SDK1: variants seen among roughly 807,000 people sequenced by gnomAD.
The protein encoded by SDK1 is protein sidekick-1.
A neutral mutation model predicts 245.5 loss-of-function variants in SDK1; 157 were observed. That is an observed-to-expected ratio of 0.64 (90% CI 0.56 to 0.73). The LOEUF is 0.73. SDK1 is among the 30% of genes least tolerant of loss of function. The pLI is 0.00. For synonymous variants in SDK1, 1,647 were observed against 1,278.5 expected, an observed-to-expected ratio of 1.29 and a Z score of -6.15; for missense variants, 3,583 against 3,002.3, an observed-to-expected ratio of 1.19 and a Z score of -4.52.
At chr7:3,418,285 C>G (rs527890920) in intron 1 of SDK1, among the ~76,000 whole-genome samples, 2 of 152,214 alleles carry the variant, frequency 1.3e-5, no homozygotes, top group Non-Finnish European at 2.9e-5. Flanking sequence ...CCATTGCACT[C>G]CAGCCTGGGC....
rs150250543 is a variant in SDK1, at chr7:3,559,593, C to T, written c.299-59487C>T. Among the ~76,000 whole-genome samples the T allele has an allele frequency of 3.5e-3, 532 of 152,220 alleles. 16 individuals carry two copies. Among genetic ancestry groups the T allele is most frequent in the Admixed American group, 0.033 (503 of 15,292 alleles). The stretch of plus-strand genomic sequence containing the variant: ...CTCTTTTCTGATTCACCACCAGTGT[C>T]TTGCAAGAGCTTTCACTTTATCTGC... On this transcript the variant is annotated intron_variant, in intron 1 of 44. Coordinates refer to ENST00000404826, the MANE Select transcript of SDK1 (RefSeq NM_152744.4).
chr7:4,123,391 A>G (rs945392607), intron 25 of SDK1, among the ~76,000 whole-genome samples: 2 of 152,102 alleles, frequency 1.3e-5, no homozygotes, highest in Non-Finnish European at 2.9e-5. Context: ...AGTTTATCAA[A>G]CTTTTGTATA....
intron 26 of SDK1, among the ~76,000 whole-genome samples, chr7:4,127,839 A>T (rs1300141608): frequency 6.6e-6 from 1 of 152,190 alleles, no homozygotes; most frequent in Non-Finnish European, 1.5e-5. Flanking sequence ...CCCCGCTTGT[A>T]AAACGGGAAT....
intron 17 of SDK1, among the ~76,000 whole-genome samples, chr7:4,046,740 C>T (rs1421890620): frequency 1.3e-5 from 2 of 151,998 alleles, no homozygotes; most frequent in Non-Finnish European, 2.9e-5. Context: ...TTCAGACTTG[C>T]TTTGGCTATT....
At chr7:3,826,096 A>T (rs1312787831) in intron 5 of SDK1, among the ~76,000 whole-genome samples, 1 of 152,210 alleles carries the variant, frequency 6.6e-6, no homozygotes, top group Non-Finnish European at 1.5e-5. Context: ...GTGAAGTGTG[A>T]GGCATGCTCT....
intron 41 of SDK1, 119 bp from the exon 42 acceptor site, chr7:4,237,528 C>A: frequency 1.7e-6 from 2 of 1,161,128 alleles, no homozygotes; most frequent in East Asian, 2.4e-5. Flanking sequence ...TTGGTTTCAT[C>A]TCACCTGTAA....
chr7:4,035,306 C>T (rs1293797451), intron 17 of SDK1, among the ~76,000 whole-genome samples: 1 of 152,060 alleles, frequency 6.6e-6, no homozygotes, highest in African/African-American at 2.4e-5. Flanking sequence ...AATTTTTAAG[C>T]CTTTGGAAAA....
At chr7:4,091,334 CTTTTT>C (rs61065472) in intron 22 of SDK1, among the ~76,000 whole-genome samples, 1 of 108,260 alleles carries the variant, frequency 9.2e-6, no homozygotes, top group African/African-American at 4.1e-5. Context: ...CTTTTCTTTT[CTTTTT>C]TTTTTTTTTT....
intron 2 of SDK1, among the ~76,000 whole-genome samples, chr7:3,634,429 T>C (rs1435211177): frequency 6.6e-6 from 1 of 152,250 alleles, no homozygotes; most frequent in African/African-American, 2.4e-5. Flanking sequence ...GGATTTTGTG[T>C]TTTATTTTCT....
intron 1 of SDK1, among the ~76,000 whole-genome samples, chr7:3,503,842 C>T (rs547277629): frequency 5.9e-5 from 9 of 151,842 alleles, no homozygotes; most frequent in Non-Finnish European, 1.3e-4. Flanking sequence ...GATTGGAAGA[C>T]TTAATAATGT....
intron 4 of SDK1, among the ~76,000 whole-genome samples, chr7:3,700,425 T>C (rs1293647587): frequency 6.6e-6 from 1 of 152,148 alleles, no homozygotes; most frequent in African/African-American, 2.4e-5. Flanking sequence ...TCATACTTGG[T>C]GTAGGATAAG....
chr7:3,590,301 T>C (rs1269449864), intron 1 of SDK1, among the ~76,000 whole-genome samples: 1 of 46,258 alleles, frequency 2.2e-5, no homozygotes, highest in Non-Finnish European at 3.7e-5. Flanking sequence ...TTCCTGTTCC[T>C]TTTTTTTTTT....
intron 4 of SDK1, among the ~76,000 whole-genome samples, chr7:3,646,177 C>A (rs1240900945): frequency 6.6e-6 from 1 of 152,126 alleles, no homozygotes; most frequent in African/African-American, 2.4e-5. Context: ...TATTTTTAAC[C>A]TCCTTGTGTG....
chr7:3,879,960 A>G (rs1374716626), intron 5 of SDK1, among the ~76,000 whole-genome samples: 1 of 152,026 alleles, frequency 6.6e-6, no homozygotes, highest in Admixed American at 6.6e-5. Context: ...ATCACTTGAG[A>G]TAAAGAGCCA....
chr7:4,074,492 A>G (rs944098411), intron 20 of SDK1, among the ~76,000 whole-genome samples: 8 of 152,238 alleles, frequency 5.3e-5, no homozygotes, highest in African/African-American at 7.2e-5. Context: ...TGAGGGTTAC[A>G]TGAATGAATG....
At chr7:3,926,713 C>G (rs1312401952) in intron 5 of SDK1, among the ~76,000 whole-genome samples, 4 of 152,198 alleles carry the variant, frequency 2.6e-5, no homozygotes, top group Non-Finnish European at 4.4e-5. Context: ...AAAGCCCAGG[C>G]TGTCACATAC....
intron 1 of SDK1, among the ~76,000 whole-genome samples, chr7:3,589,241 C>T (rs1250419705): frequency 6.6e-6 from 1 of 152,186 alleles, no homozygotes; most frequent in African/African-American, 2.4e-5. Context: ...GATGTCAGTA[C>T]TGATCTCACA....
chr7:3,819,244 A>G (rs1461369632), intron 4 of SDK1, among the ~76,000 whole-genome samples: 6 of 149,676 alleles, frequency 4.0e-5, no homozygotes, highest in African/African-American at 7.4e-5. Context: ...TTTTTTTTTC[A>G]TGAATTTTGG....
At chr7:3,578,757 C>T (rs1359917244) in intron 1 of SDK1, among the ~76,000 whole-genome samples, 1 of 151,820 alleles carries the variant, frequency 6.6e-6, no homozygotes, top group Non-Finnish European at 1.5e-5. Flanking sequence ...TTGCCTCACC[C>T]CACAGGCAGT....
Sources: gnomAD v4.1 joint callset for allele counts (sites outside exome capture counted in the v4.1 genomes callset) on GRCh38, gnomAD v4.1.1 for gene constraint, MANE v1.5 for transcripts, NCBI Gene and HGNC (gene_info 2026-07-23, HGNC 2026-07-21) for gene names.